Variants in SH3BP4 observed in about 807,000 individuals in gnomAD.
SH3BP4 encodes SH3 domain-binding protein 4.
In SH3BP4, 33 loss-of-function variants were observed where a neutral mutation model predicts 65.5. That is an observed-to-expected ratio of 0.50 (90% CI 0.38 to 0.67). The LOEUF (loss-of-function observed/expected upper bound fraction) is 0.67. SH3BP4 is among the 30% of genes least tolerant of loss of function. The probability of loss-of-function intolerance (pLI) is 0.00; values close to 1 mark genes in which losing one functional copy is unlikely to be tolerated. For missense variants in SH3BP4, 1,134 were observed against 1,261.4 expected (o/e 0.90, Z 1.53); for synonymous variants, 552 against 545.5 (o/e 1.01, Z -0.17).
chr2:235,019,133 C>G (rs1416396477), intron 2 of SH3BP4, among the ~76,000 whole-genome samples: 1 of 152,150 alleles, frequency 6.6e-6, no homozygotes, highest in African/African-American at 2.4e-5. Context: ...AAATTTTGTT[C>G]TGAATGCAGC....
chr2:234,988,355 G>A (rs369832512), intron 1 of SH3BP4, among the ~76,000 whole-genome samples: 13 of 152,220 alleles, frequency 8.5e-5, no homozygotes, highest in East Asian at 7.7e-4. Flanking sequence ...CACCACACCC[G>A]GCCCGCCAGC....
intron 2 of SH3BP4, among the ~76,000 whole-genome samples, chr2:235,019,522 C>T (rs569108889): frequency 1.1e-4 from 16 of 151,016 alleles, no homozygotes; most frequent in African/African-American, 1.5e-4. Context: ...CTGCCACCTC[C>T]GCCTCCTATG....
At chr2:235,013,367 T>C (rs1325817221) in intron 2 of SH3BP4, among the ~76,000 whole-genome samples, 1 of 152,202 alleles carries the variant, frequency 6.6e-6, no homozygotes, top group Non-Finnish European at 1.5e-5. Flanking sequence ...CTCCGGTGTC[T>C]GGGCAGTCCA....
intron 2 of SH3BP4, among the ~76,000 whole-genome samples, chr2:235,017,686 G>A (rs1187064315): frequency 6.6e-6 from 1 of 152,084 alleles, no homozygotes; most frequent in African/African-American, 2.4e-5. Context: ...GCCCTCCAGG[G>A]GCCCAGTGTC....
At chr2:235,038,379 A>T (rs1186079300) in intron 3 of SH3BP4, among the ~76,000 whole-genome samples, 1,261 of 27,396 alleles carry the variant, frequency 0.046, 63 homozygotes, top group Non-Finnish European at 0.066. Context: ...ATATATACAT[A>T]TATATATATA....
In SH3BP4 at chr2:235,042,745, G is replaced by T; in HGVS notation, c.1976G>T (p.Gly659Val). Residue 659 changes from glycine to valine, a missense_variant, in exon 4 of 6, where the codon GGT becomes GTT. Coordinates refer to ENST00000392011, the MANE Select transcript of SH3BP4 (RefSeq NM_014521.3). This position sits in a 1 kb window ranked among gnomAD's most constrained non-coding sequence, Gnocchi z 7.3. Reference protein sequence around the residue: ...QDRPVSSLKFGKLLKTVVRQN... With the variant: ...QDRPVSSLKFVKLLKTVVRQN... ...CGCCCGGTGTCCAGCCTCAAGTTTG[G>T]TAAGTTGCTCAAGACTGTGGTGCGG... The T allele has an allele frequency of 6.2e-7, 1 of 1,614,224 alleles. No homozygotes were observed. The highest frequency in any genetic ancestry group is 8.5e-7 in the Non-Finnish European group (1 of 1,180,046).
At chr2:234,988,854 C>T (rs772725731) in intron 1 of SH3BP4, among the ~76,000 whole-genome samples, 8 of 152,130 alleles carry the variant, frequency 5.3e-5, no homozygotes, top group East Asian at 1.9e-4. Flanking sequence ...TATCCCATTC[C>T]GTATCACATT....
In SH3BP4 at chr2:235,053,923, C is replaced by T; in HGVS notation, c.*107C>T. The T allele has an allele frequency of 2.3e-6, 2 of 885,802 alleles. No individual in the cohort carries two copies. The highest frequency in any genetic ancestry group is 3.6e-6 in the Non-Finnish European group (2 of 562,910). 54.9% of individuals were successfully genotyped at this position (885,802 alleles called of 1,614,324 possible). A position where few individuals can be genotyped will look rare whatever the true frequency, so the allele number is the denominator to read the frequency against. ...AGGGAGGAAGGGGCGGCTGCTCAGACAGATTTAGGGCCCGCCAGCTAGGCT... is the reference window on the plus strand; with the variant it reads ...AGGGAGGAAGGGGCGGCTGCTCAGATAGATTTAGGGCCCGCCAGCTAGGCT... On this transcript the variant is annotated 3_prime_UTR_variant, in exon 6 of 6. Coordinates refer to ENST00000392011, the MANE Select transcript of SH3BP4 (RefSeq NM_014521.3).
At chr2:235,051,829 G>A (rs996931791) in intron 4 of SH3BP4, among the ~76,000 whole-genome samples, 3 of 152,138 alleles carry the variant, frequency 2.0e-5, no homozygotes, top group East Asian at 3.9e-4. Flanking sequence ...CCCTCCATCC[G>A]TCTCGGCCTC....
chr2:234,993,245 G>A (rs1559235722), intron 1 of SH3BP4, among the ~76,000 whole-genome samples: 1 of 152,234 alleles, frequency 6.6e-6, no homozygotes, highest in Non-Finnish European at 1.5e-5. Context: ...GGGGTGATCC[G>A]TTCTGTGTCA....
At chr2:235,007,446 G>A (rs1485624579) in intron 2 of SH3BP4, among the ~76,000 whole-genome samples, 3 of 152,204 alleles carry the variant, frequency 2.0e-5, no homozygotes, top group African/African-American at 7.2e-5. Context: ...TCACCACGCA[G>A]GGAGGAGGGA....
intron 4 of SH3BP4, among the ~76,000 whole-genome samples, chr2:235,044,822 G>C (rs866419765): frequency 2.0e-5 from 3 of 152,226 alleles, no homozygotes; most frequent in African/African-American, 7.2e-5. Flanking sequence ...GCAGGAGTCG[G>C]GTGAGACCCT....
chr2:235,032,386 C>T (rs763630086), intron 2 of SH3BP4, among the ~76,000 whole-genome samples: 4 of 152,228 alleles, frequency 2.6e-5, no homozygotes, highest in Non-Finnish European at 5.9e-5. Flanking sequence ...AAGCTCCTCC[C>T]CTCACCCACT....
In SH3BP4 at chr2:235,030,840, T is replaced by C. The variant is rs968371653; in HGVS notation, c.-132-4031T>C. Among the ~76,000 whole-genome samples, 1 of 152,106 alleles carries C rather than the reference T, an allele frequency of 6.6e-6. No homozygotes were observed. Among genetic ancestry groups the C allele is most frequent in the Non-Finnish European group, 1.5e-5 (1 of 67,998 alleles). On this transcript the variant is annotated intron_variant, in intron 2 of 5. Coordinates refer to ENST00000392011, the MANE Select transcript of SH3BP4 (RefSeq NM_014521.3). The surrounding 1 kb of genome is among the most constrained non-coding windows in gnomAD (Gnocchi z 4.1). ...GTGACTCCACCTGCTCAGGAAGGTTTTGGGAGTGGAGAGCCCTCTGCACTC... is the reference window on the plus strand; with the variant it reads ...GTGACTCCACCTGCTCAGGAAGGTTCTGGGAGTGGAGAGCCCTCTGCACTC...
chr2:235,035,418 G>GA lies in SH3BP4; in HGVS notation c.118+299dup, dbSNP rs1384055197. ...GGTGGTACAGAAACCCAGGGGAACA[G>GA]AGAGTGTGGCAAGTAGATGAAATAT... On this transcript the variant is annotated intron_variant, in intron 3 of 5. Coordinates refer to ENST00000392011, the MANE Select transcript of SH3BP4 (RefSeq NM_014521.3). This position sits in a 1 kb window ranked among gnomAD's most constrained non-coding sequence, Gnocchi z 5.0. Among the ~76,000 whole-genome samples the GA allele has an allele frequency of 6.6e-6, 1 of 152,202 alleles. No individual in the cohort carries two copies. Among genetic ancestry groups the GA allele is most frequent in the Non-Finnish European group, 1.5e-5 (1 of 68,036 alleles).
intron 1 of SH3BP4, among the ~76,000 whole-genome samples, chr2:234,962,017 G>A (rs183949756): frequency 1.3e-3 from 191 of 152,276 alleles, no homozygotes; most frequent in African/African-American, 4.4e-3. Flanking sequence ...TTGTTTGCAA[G>A]AGGTCTTTAC....
intron 2 of SH3BP4, among the ~76,000 whole-genome samples, chr2:235,013,713 C>T (rs1284586523): frequency 1.3e-5 from 2 of 152,114 alleles, no homozygotes; most frequent in Admixed American, 1.3e-4. Context: ...GCCTCTCCCC[C>T]CATTTTCTAA....
At position 234,991,402 on chromosome 2, in the gene SH3BP4, G is replaced by A. The variant is rs956212036; in HGVS notation, c.-206-3901G>A. ...ACATAACTGCCCTTCTCTCTGCACC[G>A]TGGGAGAAGACACTTGTGTTTTGAG... is the stretch of plus-strand genomic sequence containing the variant. On this transcript the variant is annotated intron_variant, in intron 1 of 5. Transcript: ENST00000392011. This position sits in a 1 kb window ranked among gnomAD's most constrained non-coding sequence, Gnocchi z 4.2. Among the ~76,000 whole-genome samples the A allele has an allele frequency of 2.0e-5, 3 of 152,204 alleles. No individual in the cohort carries two copies. Among genetic ancestry groups the A allele is most frequent in the Admixed American group, 6.5e-5 (1 of 15,288 alleles).
chr2:234,969,846 C>G (rs1692934754), intron 1 of SH3BP4, among the ~76,000 whole-genome samples: 1 of 152,192 alleles, frequency 6.6e-6, no homozygotes, highest in African/African-American at 2.4e-5. Context: ...CGCGCACACA[C>G]ACACCCCCTC....
Sources: allele counts gnomAD v4.1 joint callset (sites outside exome capture counted in the v4.1 genomes callset), GRCh38; gene constraint gnomAD v4.1.1; non-coding constraint Gnocchi (gnomAD v3.1); transcripts MANE v1.5; gene names NCBI Gene and HGNC (gene_info 2026-07-23, HGNC 2026-07-21).